Variants in DLG2 observed in about 807,000 individuals in gnomAD.
DLG2 encodes the protein disks large homolog 2.
A neutral mutation model predicts 132.5 loss-of-function variants in DLG2; 45 were observed. That is an observed-to-expected ratio of 0.34 (90% confidence interval 0.27 to 0.44). The LOEUF is 0.44. DLG2 is among the 20% of genes least tolerant of loss of function. The pLI is 1.00. For missense variants in DLG2, 1,045 were observed against 1,196.9 expected, an observed-to-expected ratio of 0.87 and a Z score of 1.87; for synonymous variants, 424 against 419.6, an observed-to-expected ratio of 1.01 and a Z score of -0.13.
chr11:83,820,029 T>C (rs2050313733), intron 17 of DLG2, among the ~76,000 whole-genome samples: 2 of 152,200 alleles, frequency 1.3e-5, no homozygotes, highest in South Asian at 2.1e-4. Flanking sequence ...TTTAAAAAGC[T>C]ATCATTATGA....
chr11:85,061,878 A>T (rs2064180209), intron 6 of DLG2, among the ~76,000 whole-genome samples: 1 of 151,856 alleles, frequency 6.6e-6, no homozygotes, highest in Non-Finnish European at 1.5e-5. Flanking sequence ...AGATCATTCT[A>T]TCTTGCACAA....
intron 16 of DLG2, among the ~76,000 whole-genome samples, chr11:83,865,890 T>A (rs2062249346): frequency 6.6e-6 from 1 of 152,192 alleles, no homozygotes; most frequent in Non-Finnish European, 1.5e-5. Flanking sequence ...CATGTTGTTC[T>A]CATCTGTGCT....
At chr11:83,990,475 G>T (rs535494758) in intron 11 of DLG2, among the ~76,000 whole-genome samples, 1 of 152,052 alleles carries the variant, frequency 6.6e-6, no homozygotes, top group Non-Finnish European at 1.5e-5. Flanking sequence ...CACCATGAAC[G>T]GATCGTGGTT....
intron 6 of DLG2, among the ~76,000 whole-genome samples, chr11:84,713,955 T>C (rs2060726480): frequency 6.6e-6 from 1 of 152,068 alleles, no homozygotes; most frequent in South Asian, 2.1e-4. Context: ...AATATAAATT[T>C]AAATTATTCA....
chr11:84,409,556 C>G (rs141493251), intron 7 of DLG2, among the ~76,000 whole-genome samples: 193 of 152,310 alleles, frequency 1.3e-3, no homozygotes, highest in African/African-American at 4.5e-3. Flanking sequence ...ACACTTAATA[C>G]TTACAACAAG....
chr11:85,140,733 C>T (rs996062594), intron 5 of DLG2, among the ~76,000 whole-genome samples: 4 of 151,644 alleles, frequency 2.6e-5, no homozygotes, highest in Non-Finnish European at 4.4e-5. Context: ...CCTCCATCAC[C>T]ACTACTCTTC....
chr11:84,020,203 A>G (rs1481439104), intron 11 of DLG2, among the ~76,000 whole-genome samples: 2 of 152,162 alleles, frequency 1.3e-5, no homozygotes, highest in Admixed American at 6.6e-5. Flanking sequence ...CATCAAGGTT[A>G]TAAATCCAGG....
intron 18 of DLG2, among the ~76,000 whole-genome samples, chr11:83,655,691 G>A (rs891058667): frequency 6.6e-6 from 1 of 152,160 alleles, no homozygotes; most frequent in South Asian, 2.1e-4. Flanking sequence ...AATTTTAATT[G>A]AGAGTGTTTA....
intron 3 of DLG2, among the ~76,000 whole-genome samples, chr11:85,353,426 G>T (rs1333418709): frequency 2.0e-5 from 3 of 152,210 alleles, no homozygotes; most frequent in Non-Finnish European, 4.4e-5. Flanking sequence ...GGAGGACAGT[G>T]TGGCAATTCC....
intron 3 of DLG2, among the ~76,000 whole-genome samples, chr11:85,320,875 G>A (rs955618445): frequency 2.6e-5 from 4 of 151,692 alleles, no homozygotes; most frequent in Non-Finnish European, 4.4e-5. Context: ...TTGGAAACAT[G>A]GTGTGGTGGC....
chr11:83,727,373 C>T (rs1292619319), intron 18 of DLG2, among the ~76,000 whole-genome samples: 1 of 152,110 alleles, frequency 6.6e-6, no homozygotes, highest in Non-Finnish European at 1.5e-5. Flanking sequence ...ATCAGCTGGT[C>T]CCTCTCCACC....
At chr11:85,286,986 C>T (rs2078598178) in intron 3 of DLG2, among the ~76,000 whole-genome samples, 1 of 151,886 alleles carries the variant, frequency 6.6e-6, no homozygotes, top group Admixed American at 6.6e-5. Flanking sequence ...AAAGCTGGAG[C>T]AATTTGAGCA....
At chr11:83,900,080 T>A (rs1230636872) in intron 15 of DLG2, among the ~76,000 whole-genome samples, 2 of 152,186 alleles carry the variant, frequency 1.3e-5, no homozygotes, top group Admixed American at 1.3e-4. Context: ...AGGAAGCATT[T>A]TCCCCCTGCC....
At chr11:84,422,634 T>C in intron 7 of DLG2, among the ~76,000 whole-genome samples, 1 of 152,204 alleles carries the variant, frequency 6.6e-6, no homozygotes, top group East Asian at 1.9e-4. Context: ...TTACAGCAGT[T>C]ATCATAGTTG....
At chr11:85,078,336 G>A (rs1052205025) in intron 6 of DLG2, among the ~76,000 whole-genome samples, 3 of 151,528 alleles carry the variant, frequency 2.0e-5, no homozygotes, top group African/African-American at 7.3e-5. Flanking sequence ...AATCTGACCT[G>A]AAGGAAGTGA....
At chr11:84,014,030 T>C (rs1425374537) in intron 11 of DLG2, among the ~76,000 whole-genome samples, 1 of 152,124 alleles carries the variant, frequency 6.6e-6, no homozygotes, top group Admixed American at 6.6e-5. Context: ...CAAGTAGAGT[T>C]GTACACTTAC....
chr11:84,538,845 A>G (rs1226947169), intron 6 of DLG2, among the ~76,000 whole-genome samples: 1 of 151,932 alleles, frequency 6.6e-6, no homozygotes, highest in African/African-American at 2.4e-5. Context: ...TTTTTCTTTG[A>G]GTCTTCAGCC....
intron 22 of DLG2, among the ~76,000 whole-genome samples, chr11:83,477,599 A>G (rs1855949270): frequency 6.6e-6 from 1 of 152,110 alleles, no homozygotes; most frequent in Non-Finnish European, 1.5e-5. Context: ...GTGAAACACA[A>G]TGGATTGTGA....
intron 3 of DLG2, among the ~76,000 whole-genome samples, chr11:85,345,437 C>T (rs896627750): frequency 2.0e-5 from 3 of 152,102 alleles, no homozygotes; most frequent in Non-Finnish European, 4.4e-5. Context: ...TACCAGATGT[C>T]AGGTAGTACA....
Sources: allele counts gnomAD v4.1 joint callset (sites outside exome capture counted in the v4.1 genomes callset), GRCh38; gene constraint gnomAD v4.1.1; transcripts MANE v1.5; gene names NCBI Gene and HGNC (gene_info 2026-07-23, HGNC 2026-07-21).